TRPS1: variants seen among roughly 807,000 people sequenced by gnomAD.
The protein encoded by TRPS1 is zinc finger transcription factor Trps1.
TRPS1 carries 6 observed loss-of-function variants against 101.2 expected under a neutral mutation model. That is an observed-to-expected ratio of 0.06 (90% CI 0.03 to 0.12). The LOEUF is 0.12. Ranked by LOEUF, TRPS1 falls within the 10% of genes least tolerant of loss-of-function variation. The probability of loss-of-function intolerance (pLI) is 1.00; values close to 1 mark genes in which losing one functional copy is unlikely to be tolerated. For missense variants in TRPS1, 1,363 were observed against 1,567.0 expected (o/e 0.87, Z 2.20); for synonymous variants, 578 against 589.8 (o/e 0.98, Z 0.29).
At chr8:115,519,163 A>G (rs977858063) in intron 5 of TRPS1, among the ~76,000 whole-genome samples, 6 of 151,674 alleles carry the variant, frequency 4.0e-5, no homozygotes, top group African/African-American at 2.4e-5. Flanking sequence ...TTTCGTGGAC[A>G]GTAAATTGGA....
intron 5 of TRPS1, among the ~76,000 whole-genome samples, chr8:115,543,007 C>G (rs138378697): frequency 3.3e-3 from 500 of 152,260 alleles, no homozygotes; most frequent in Non-Finnish European, 5.8e-3. Context: ...AATCTATACT[C>G]TCCTTAACCT....
chr8:115,644,948 C>A (rs1373047919), intron 1 of TRPS1, among the ~76,000 whole-genome samples: 1 of 152,044 alleles, frequency 6.6e-6, no homozygotes, highest in Non-Finnish European at 1.5e-5. Context: ...ACGTGGGTAC[C>A]ATTCATGGCT....
chr8:115,439,031 G>C lies in TRPS1; in HGVS notation c.2701-20579C>G, dbSNP rs546673529. Among the ~76,000 whole-genome samples the C allele has an allele frequency of 2.6e-5, 4 of 152,256 alleles. No homozygotes were observed. In the East Asian group the frequency reaches 5.8e-4, roughly 22 times the overall value. On this transcript the variant is annotated intron_variant, in intron 5 of 6. Coordinates refer to ENST00000395715, the MANE Select transcript of TRPS1 (RefSeq NM_014112.5). ...TCACCTGTTCTATCCCTGGGACATG[G>C]GGTAGTGGCGGTAATTCTTACAAGA...
chr8:115,660,986 A>G (rs1811779553), intron 1 of TRPS1, among the ~76,000 whole-genome samples: 1 of 151,982 alleles, frequency 6.6e-6, no homozygotes, highest in Non-Finnish European at 1.5e-5. Context: ...CATGTTCCAT[A>G]TTATTTCTAC....
At chr8:115,439,661 C>G (rs564319297) in intron 5 of TRPS1, among the ~76,000 whole-genome samples, 1 of 152,296 alleles carries the variant, frequency 6.6e-6, no homozygotes, top group South Asian at 2.1e-4. Context: ...CTTTTAAATA[C>G]TGTTCTGGAA....
chr8:115,627,476 A>G (rs905971541), intron 1 of TRPS1, among the ~76,000 whole-genome samples: 3 of 151,796 alleles, frequency 2.0e-5, no homozygotes, highest in African/African-American at 7.2e-5. Flanking sequence ...CTGGGCAAAG[A>G]GCCAAGCACA....
chr8:115,533,975 G>A (rs537693975), intron 5 of TRPS1, among the ~76,000 whole-genome samples: 5 of 152,168 alleles, frequency 3.3e-5, no homozygotes, highest in Non-Finnish European at 4.4e-5. Context: ...GCCCCATCCC[G>A]AAACACCATC....
intron 1 of TRPS1, among the ~76,000 whole-genome samples, chr8:115,645,836 A>G (rs1446301004): frequency 6.6e-6 from 1 of 152,176 alleles, no homozygotes; most frequent in East Asian, 1.9e-4. Flanking sequence ...ACTCGGCACT[A>G]TTGAATACCA....
At chr8:115,490,921 A>G (rs1263287696) in intron 5 of TRPS1, among the ~76,000 whole-genome samples, 3 of 152,212 alleles carry the variant, frequency 2.0e-5, no homozygotes, top group African/African-American at 4.8e-5. Context: ...TGCATTTATA[A>G]TATTCTATTT....
At chr8:115,453,480 A>C (rs1402735834) in intron 5 of TRPS1, among the ~76,000 whole-genome samples, 1 of 152,146 alleles carries the variant, frequency 6.6e-6, no homozygotes, top group African/African-American at 2.4e-5. Context: ...TGTACATGTG[A>C]GTATGTGTGT....
At chr8:115,575,794 T>C (rs1465158645) in intron 5 of TRPS1, among the ~76,000 whole-genome samples, 1 of 152,144 alleles carries the variant, frequency 6.6e-6, no homozygotes, top group Non-Finnish European at 1.5e-5. Flanking sequence ...GTTTTAAGAT[T>C]TCAGTGGGAT....
Position 115,418,308 on chromosome 8 carries a change from A to G in TRPS1, c.2823+22T>C. ...ACACTGCTTTATAAAGCTTTTCCTG[A>G]AAGAGTGGAACAAGTTCTTACCGAG... is the stretch of plus-strand genomic sequence containing the variant. On this transcript the variant is annotated intron_variant, in intron 6 of 6. Transcript: ENST00000395715. The surrounding 1 kb of genome is among the most constrained non-coding windows in gnomAD (Gnocchi z 4.3). 1 of 1,614,064 alleles carries G rather than the reference A, an allele frequency of 6.2e-7. No individual in the cohort carries two copies. Among genetic ancestry groups the G allele is most frequent in the South Asian group, 1.1e-5 (1 of 91,078 alleles).
intron 5 of TRPS1, among the ~76,000 whole-genome samples, chr8:115,535,654 G>GATCAAGA (rs1230463035): frequency 1.9e-4 from 28 of 150,810 alleles, no homozygotes; most frequent in Middle Eastern, 3.5e-3. Flanking sequence ...GAGGTCAGGA[G>GATCAAGA]ATCAAGACCA....
At chr8:115,624,420 T>G (rs773149801) in intron 1 of TRPS1, among the ~76,000 whole-genome samples, 1 of 152,026 alleles carries the variant, frequency 6.6e-6, no homozygotes, top group Non-Finnish European at 1.5e-5. Flanking sequence ...TCTGGGGCTA[T>G]GTAATAGTGA....
intron 5 of TRPS1, among the ~76,000 whole-genome samples, chr8:115,452,409 T>A (rs951833910): frequency 6.6e-6 from 1 of 152,328 alleles, no homozygotes; most frequent in South Asian, 2.1e-4. Context: ...TTTACTGGTA[T>A]CTTTTCACCA....
chr8:115,530,998 G>A (rs1234136528), intron 5 of TRPS1, among the ~76,000 whole-genome samples: 1 of 152,072 alleles, frequency 6.6e-6, no homozygotes, highest in Non-Finnish European at 1.5e-5. Context: ...GTTAATGGGT[G>A]CAGCACACCA....
At chr8:115,442,585 G>A (rs908513059) in intron 5 of TRPS1, among the ~76,000 whole-genome samples, 2 of 149,014 alleles carry the variant, frequency 1.3e-5, no homozygotes, top group Non-Finnish European at 1.5e-5. Context: ...GTGTGTATGT[G>A]TGTGTGCATG....
intron 5 of TRPS1, among the ~76,000 whole-genome samples, chr8:115,494,131 A>G (rs1815094214): frequency 6.6e-6 from 1 of 152,190 alleles, no homozygotes. Context: ...CTTTCCAATC[A>G]TGGTGGCAAT....
chr8:115,598,747 A>G (rs1817843785), intron 4 of TRPS1, among the ~76,000 whole-genome samples: 1 of 152,230 alleles, frequency 6.6e-6, no homozygotes, highest in Non-Finnish European at 1.5e-5. Context: ...AGAAAATACA[A>G]GGTTGACTAT....
Sources: allele counts gnomAD v4.1 joint callset (sites outside exome capture counted in the v4.1 genomes callset), GRCh38; gene constraint gnomAD v4.1.1; non-coding constraint Gnocchi (gnomAD v3.1); transcripts MANE v1.5; gene names NCBI Gene and HGNC (gene_info 2026-07-23, HGNC 2026-07-21).